The following TEC variants were observed in gnomAD, a reference collection of about 807,000 sequenced individuals.
The protein encoded by TEC is tec protein tyrosine kinase.
In TEC, 72 loss-of-function variants were observed where a neutral mutation model predicts 93.0. The ratio of observed to expected loss-of-function variants is 0.77; its 90% CI spans 0.64 to 0.94. The LOEUF is 0.94. TEC is among the 40% of genes least tolerant of loss of function. The probability of loss-of-function intolerance (pLI) is 0.00; values close to 1 mark genes in which losing one functional copy is unlikely to be tolerated. For missense variants in TEC, 630 were observed against 757.9 expected, an observed-to-expected ratio of 0.83 and a Z score of 1.98; for synonymous variants, 249 against 247.7, an observed-to-expected ratio of 1.01 and a Z score of -0.05.
intron 4 of TEC, 132 bp downstream of exon 4, chr4:48,171,236 C>T: frequency 1.4e-6 from 1 of 717,556 alleles, no homozygotes; most frequent in Non-Finnish European, 2.2e-6. Flanking sequence ...AACAGCATAT[C>T]CTTGGAGAAA....
At chr4:48,241,438 G>A (rs142292063) in intron 1 of TEC, among the ~76,000 whole-genome samples, 1 of 152,128 alleles carries the variant, frequency 6.6e-6, no homozygotes, top group Non-Finnish European at 1.5e-5. Flanking sequence ...ACTGAGAAAA[G>A]CTCACTGCAA....
intron 1 of TEC, among the ~76,000 whole-genome samples, chr4:48,238,491 C>T (rs1380341683): frequency 6.6e-6 from 1 of 152,006 alleles, no homozygotes; most frequent in Non-Finnish European, 1.5e-5. Flanking sequence ...AGTTGAAAGG[C>T]CGGCTGATTT....
intron 2 of TEC, among the ~76,000 whole-genome samples, chr4:48,184,306 G>A (rs989606050): frequency 6.6e-6 from 1 of 152,000 alleles, no homozygotes; most frequent in Non-Finnish European, 1.5e-5. Flanking sequence ...TAAGTAACTT[G>A]GTATCATTTA....
intron 4 of TEC, among the ~76,000 whole-genome samples, chr4:48,170,760 C>CA (rs1437889631): frequency 1.3e-5 from 2 of 152,120 alleles, no homozygotes; most frequent in Admixed American, 1.3e-4. Context: ...TAGAAAATAC[C>CA]AAATCCTGGG....
chr4:48,218,140 A>G (rs1723139570), intron 2 of TEC, among the ~76,000 whole-genome samples: 1 of 152,194 alleles, frequency 6.6e-6, no homozygotes, highest in Non-Finnish European at 1.5e-5. Context: ...ATGGGAGAAG[A>G]GATACAAGAA....
At chr4:48,137,831 C>A (rs1472033044) in intron 17 of TEC, among the ~76,000 whole-genome samples, 1 of 152,216 alleles carries the variant, frequency 6.6e-6, no homozygotes, top group African/African-American at 2.4e-5. Context: ...TTGTTCCCCA[C>A]AAAATCCCTC....
intron 2 of TEC, 79 bp from the exon 3 acceptor site, chr4:48,176,265 G>T (rs931563845): frequency 4.1e-5 from 45 of 1,097,294 alleles, no homozygotes; most frequent in Admixed American, 6.1e-5. Flanking sequence ...AGGAAATTTT[G>T]CTCTGATTCA....
intron 2 of TEC, among the ~76,000 whole-genome samples, chr4:48,181,629 T>C (rs10938524): frequency 0.81 from 121,027 of 148,886 alleles, 49,289 homozygotes; most frequent in East Asian, 0.92. Context: ...GCCGAGATAG[T>C]GCCACTGCAT....
In TEC at chr4:48,179,425, C is replaced by T. The variant is rs1183883586; in HGVS notation, c.139-3239G>A. On this transcript the variant is annotated intron_variant, in intron 2 of 17. Transcript: ENST00000381501. ...TCAAGACAGAGTCTTGCTGTGTCAC[C>T]CAGGCTGGAGTGGAGTGCAGTGGTG... is the stretch of plus-strand genomic sequence containing the variant. Among the ~76,000 whole-genome samples, 3 of 125,406 alleles carry T rather than the reference C, an allele frequency of 2.4e-5. No homozygotes were observed. The Admixed American group carries it at 2.8e-4, about 12-fold the overall frequency. The allele number at this position is 125,406 out of a possible 152,430, so 82.3% of individuals were successfully genotyped here.
At chr4:48,264,641 A>AT (rs33996960) in intron 1 of TEC, among the ~76,000 whole-genome samples, 51,992 of 145,026 alleles carry the variant, frequency 0.36, 10,535 homozygotes, top group Non-Finnish European at 0.46. Flanking sequence ...CATCTTCAGC[A>AT]TTTTTTTTTT....
chr4:48,244,657 T>G (rs1376014190), intron 1 of TEC, among the ~76,000 whole-genome samples: 1 of 152,244 alleles, frequency 6.6e-6, no homozygotes, highest in Non-Finnish European at 1.5e-5. Context: ...AACATTTTAT[T>G]TAAACTCTAC....
At chr4:48,139,829 G>A (rs1054401822) in intron 15 of TEC, among the ~76,000 whole-genome samples, 1 of 152,296 alleles carries the variant, frequency 6.6e-6, no homozygotes, top group Non-Finnish European at 1.5e-5. Flanking sequence ...GAAAATTTTC[G>A]AAGAATTGCA....
chr4:48,147,996 T>C (rs1172919532), intron 11 of TEC, among the ~76,000 whole-genome samples: 1 of 152,152 alleles, frequency 6.6e-6, no homozygotes, highest in Admixed American at 6.5e-5. Context: ...AGACCACATA[T>C]TGTATAATTC....
intron 1 of TEC, among the ~76,000 whole-genome samples, chr4:48,248,839 T>C (rs1200265192): frequency 6.6e-6 from 1 of 150,936 alleles, no homozygotes; most frequent in East Asian, 2.0e-4. Flanking sequence ...CTTTACATTG[T>C]TGTTTCTCTC....
Position 48,183,688 on chromosome 4 carries a change from T to C in TEC, c.139-7502A>G, listed in dbSNP as rs1721687021. Among the ~76,000 whole-genome samples, 3 of 152,188 alleles carry C rather than the reference T, an allele frequency of 2.0e-5. No individual in the cohort carries two copies. In the South Asian group the frequency reaches 6.2e-4, roughly 32 times the overall value. ...CTTGGTCTGAATTACACAATTAGCT[T>C]TTCTGTGTCTCCACATTGCAGATGG... On this transcript the variant is annotated intron_variant, in intron 2 of 17. Coordinates refer to ENST00000381501, the MANE Select transcript of TEC (RefSeq NM_003215.3).
intron 2 of TEC, among the ~76,000 whole-genome samples, chr4:48,205,777 A>C (rs1722696285): frequency 6.6e-6 from 1 of 152,242 alleles, no homozygotes; most frequent in Non-Finnish European, 1.5e-5. Flanking sequence ...CTGCTTTGGG[A>C]AACAGTCTAA....
At chr4:48,161,664 C>G (rs1720667846) in intron 8 of TEC, among the ~76,000 whole-genome samples, 1 of 145,910 alleles carries the variant, frequency 6.9e-6, no homozygotes, top group Non-Finnish European at 1.5e-5. Flanking sequence ...TATTGAGTGT[C>G]AACTTGATTG....
At chr4:48,241,679 C>T (rs1723927380) in intron 1 of TEC, among the ~76,000 whole-genome samples, 1 of 152,070 alleles carries the variant, frequency 6.6e-6, no homozygotes, top group African/African-American at 2.4e-5. Context: ...TGGTTGTATC[C>T]CTTTAAGTCT....
intron 2 of TEC, among the ~76,000 whole-genome samples, chr4:48,177,037 C>T (rs1309270836): frequency 6.6e-6 from 1 of 152,104 alleles, no homozygotes; most frequent in Non-Finnish European, 1.5e-5. Flanking sequence ...TTTTCTTCCC[C>T]ATTTGCCTGC....
Sources: allele counts gnomAD v4.1 joint callset (sites outside exome capture counted in the v4.1 genomes callset), GRCh38; gene constraint gnomAD v4.1.1; transcripts MANE v1.5; gene names NCBI Gene and HGNC (gene_info 2026-07-23, HGNC 2026-07-21).